MAP2K6: variants seen among roughly 807,000 people sequenced by gnomAD.
MAP2K6 encodes mitogen-activated protein kinase kinase 6.
Under a neutral mutation model 53.7 loss-of-function variants are expected in MAP2K6, and 16 were observed. The ratio of observed to expected loss-of-function variants is 0.30; its 90% confidence interval spans 0.20 to 0.45. The LOEUF (loss-of-function observed/expected upper bound fraction) is 0.45. Among genes scored for constraint, MAP2K6 ranks in the 20% least tolerant of loss-of-function variants. MAP2K6 has a pLI of 1.00. For missense variants in MAP2K6, 204 were observed against 411.9 expected (o/e 0.50, Z 4.37); for synonymous variants, 132 against 143.1 (o/e 0.92, Z 0.55).
At position 69,550,347 on chromosome 17, in the gene MAP2K6, C is replaced by T. The variant is rs1321414128; in HGVS notation, c.*8594C>T. 1 of 152,160 alleles carries T rather than the reference C, an allele frequency of 6.6e-6. No homozygotes were observed. Among genetic ancestry groups the T allele is most frequent in the Non-Finnish European group, 1.5e-5 (1 of 68,026 alleles). 9.4% of individuals were successfully genotyped at this position (152,160 alleles called of 1,614,324 possible). A position where few individuals can be genotyped will look rare whatever the true frequency, so the allele number is the denominator to read the frequency against. On this transcript the variant is annotated 3_prime_UTR_variant, in exon 12 of 12. Transcript: ENST00000590474. ...AATACCAAAGCCTGAGCTCCTTAACCTTTTGTTCCAGAGGGCAGACATTTT... is the reference window on the plus strand; with the variant it reads ...AATACCAAAGCCTGAGCTCCTTAACTTTTTGTTCCAGAGGGCAGACATTTT...
chr17:69,517,973 G>A (rs776046046), intron 4 of MAP2K6, among the ~76,000 whole-genome samples: 29 of 152,038 alleles, frequency 1.9e-4, no homozygotes, highest in Admixed American at 3.3e-4. Context: ...GGTGGATCAC[G>A]AGGTCAGGAG....
chr17:69,544,207 CTT>C lies in MAP2K6; in HGVS notation c.*2456_*2457del, dbSNP rs1174532588. 2.6e-5 allele frequency: 4 copies of C among 152,144 alleles called. No homozygotes were observed. The highest frequency in any genetic ancestry group is 9.7e-5 in the African/African-American group (4 of 41,418). The allele number at this position is 152,144 out of a possible 1,614,324, so 9.4% of individuals were successfully genotyped here. A position where few individuals can be genotyped will look rare whatever the true frequency, so the allele number is the denominator to read the frequency against. ...TCCCTGTCCTCATCAGTGGAAATCT[CTT>C]TGTCACTCTGAGAGAAGGCATGTAC... On this transcript the variant is annotated 3_prime_UTR_variant, in exon 12 of 12. Coordinates refer to ENST00000590474, the MANE Select transcript of MAP2K6 (RefSeq NM_002758.4).
intron 1 of MAP2K6, among the ~76,000 whole-genome samples, chr17:69,469,223 GTTC>G (rs1907908923): frequency 6.6e-6 from 1 of 152,192 alleles, no homozygotes; most frequent in African/African-American, 2.4e-5. Flanking sequence ...GGCTGGTCAA[GTTC>G]TTCTCACATT....
intron 1 of MAP2K6, among the ~76,000 whole-genome samples, chr17:69,469,537 G>A (rs376629223): frequency 2.6e-4 from 39 of 152,298 alleles, no homozygotes; most frequent in African/African-American, 8.9e-4. Flanking sequence ...GCCGAGGTGG[G>A]CGGATCACGA....
Position 69,466,937 on chromosome 17 carries a change from C to T in MAP2K6, c.17-38843C>T, listed in dbSNP as rs577084593. On this transcript the variant is annotated intron_variant, in intron 1 of 11. Transcript: ENST00000590474. ...ATGCAGAGCTAAACAATCAGATTAA[C>T]GAGTGAACTTTTGATGTACCATCTG... 2.2e-3 allele frequency among the ~76,000 whole-genome samples: 340 copies of T among 152,230 alleles called. 1 individual carries two copies. Among genetic ancestry groups the T allele is most frequent in the Non-Finnish European group, 3.9e-3 (267 of 67,996 alleles).
rs1191468539 is a variant in MAP2K6 at position 69,500,653 on chromosome 17, G to T, written c.17-5127G>T. On this transcript the variant is annotated intron_variant, in intron 1 of 11. Coordinates refer to ENST00000590474, the MANE Select transcript of MAP2K6 (RefSeq NM_002758.4). ...CACCTGTAATCCCAGCTACTCAGGA[G>T]GCTGAGGCAGGAGAATCACACAAAG... Among the ~76,000 whole-genome samples the T allele has an allele frequency of 2.0e-5, 3 of 151,920 alleles. 1 individual carries two copies. The highest frequency in any genetic ancestry group is 4.4e-5 in the Non-Finnish European group (3 of 67,982).
chr17:69,470,393 C>G (rs551083423), intron 1 of MAP2K6, among the ~76,000 whole-genome samples: 2 of 152,202 alleles, frequency 1.3e-5, no homozygotes, highest in South Asian at 4.2e-4. Context: ...CAAGATGAGG[C>G]CCTGGAATCC....
chr17:69,522,108 AC>A, intron 7 of MAP2K6, among the ~76,000 whole-genome samples: 1 of 152,130 alleles, frequency 6.6e-6, no homozygotes, highest in East Asian at 1.9e-4. Context: ...GATAACCAGA[AC>A]CCTGTCTTTG....
At chr17:69,498,650 C>CCACACACACACACA (rs3222089) in intron 1 of MAP2K6, among the ~76,000 whole-genome samples, 2,399 of 145,484 alleles carry the variant, frequency 0.016, 37 homozygotes, top group Middle Eastern at 0.028. Flanking sequence ...CACCTGGAAG[C>CCACACACACACACA]CACACACACA....
At chr17:69,498,084 A>G (rs1398575600) in intron 1 of MAP2K6, among the ~76,000 whole-genome samples, 1 of 152,026 alleles carries the variant, frequency 6.6e-6, no homozygotes, top group Non-Finnish European at 1.5e-5. Flanking sequence ...GCAGAATTGC[A>G]TCTTAATAAG....
At chr17:69,532,292 A>G (rs1269139120) in intron 10 of MAP2K6, among the ~76,000 whole-genome samples, 4 of 152,354 alleles carry the variant, frequency 2.6e-5, no homozygotes, top group African/African-American at 2.4e-5. Flanking sequence ...CTGTGGATGT[A>G]CCAAATAGCC....
chr17:69,422,668 T>C (rs1906129611), intron 1 of MAP2K6, among the ~76,000 whole-genome samples: 1 of 152,222 alleles, frequency 6.6e-6, no homozygotes. Flanking sequence ...TTACTTTTCA[T>C]ATAGTATGCT....
intron 11 of MAP2K6, among the ~76,000 whole-genome samples, chr17:69,541,366 T>G (rs1911621693): frequency 1.3e-5 from 2 of 152,338 alleles, no homozygotes; most frequent in African/African-American, 2.4e-5. Context: ...AATCAGAGTT[T>G]GGGTTGTTTT....
chr17:69,491,277 G>A (rs781665405), intron 1 of MAP2K6, among the ~76,000 whole-genome samples: 4 of 152,048 alleles, frequency 2.6e-5, no homozygotes, highest in Non-Finnish European at 5.9e-5. Context: ...CTGAGTAGCT[G>A]GGATTACAGG....
At chr17:69,465,478 G>A (rs928018626) in intron 1 of MAP2K6, among the ~76,000 whole-genome samples, 3 of 152,176 alleles carry the variant, frequency 2.0e-5, no homozygotes, top group Admixed American at 6.5e-5. Flanking sequence ...TTTGTGAAGC[G>A]ACCTACTGTA....
chr17:69,485,472 T>A (rs1908498157), intron 1 of MAP2K6: 1 of 983,446 alleles, frequency 1.0e-6, no homozygotes. Flanking sequence ...GCTTATACAC[T>A]GTTAGAGTAC....
At chr17:69,493,065 A>G (rs563136913) in intron 1 of MAP2K6, among the ~76,000 whole-genome samples, 3 of 152,296 alleles carry the variant, frequency 2.0e-5, no homozygotes, top group African/African-American at 4.8e-5. Context: ...AATATTTCAT[A>G]TATGTTTTGG....
chr17:69,432,746 A>C (rs1162068039), intron 1 of MAP2K6, among the ~76,000 whole-genome samples: 1 of 151,340 alleles, frequency 6.6e-6, no homozygotes, highest in Non-Finnish European at 1.5e-5. Flanking sequence ...GCAAACCACC[A>C]TTGCACACGT....
intron 1 of MAP2K6, among the ~76,000 whole-genome samples, chr17:69,416,748 A>G (rs1008663006): frequency 7.2e-5 from 11 of 152,344 alleles, no homozygotes; most frequent in African/African-American, 2.6e-4. Flanking sequence ...CAGGTATTGA[A>G]GAGAAATGGT....
Sources: allele counts gnomAD v4.1 joint callset (sites outside exome capture counted in the v4.1 genomes callset), GRCh38; gene constraint gnomAD v4.1.1; transcripts MANE v1.5; gene names NCBI Gene and HGNC (gene_info 2026-07-23, HGNC 2026-07-21).